Variants in MRPS6 observed in about 807,000 individuals in gnomAD.
MRPS6 encodes small ribosomal subunit protein bS6m.
MRPS6 carries 6 observed loss-of-function variants against 13.1 expected under a neutral mutation model. The ratio of observed to expected loss-of-function variants is 0.46; its 90% CI spans 0.25 to 0.91. MRPS6 has a LOEUF of 0.91. Ranked by LOEUF, MRPS6 falls within the 40% of genes least tolerant of loss-of-function variation. MRPS6 has a pLI of 0.18. For synonymous variants in MRPS6, 61 were observed against 56.5 expected (o/e 1.08, Z -0.36); for missense variants, 164 against 155.6 (o/e 1.05, Z -0.29).
chr21:34,114,363 G>A (rs1453562775), intron 1 of MRPS6, among the ~76,000 whole-genome samples: 1 of 152,282 alleles, frequency 6.6e-6, no homozygotes, highest in East Asian at 1.9e-4. Context: ...TAGTGTTGGA[G>A]AAGATCATTG....
rs140312157 is a variant in MRPS6 at position 34,126,896 on chromosome 21, C to T, written c.185+1416C>T. ...ATGCTGACGTCACTTGTCTGAGGAC[C>T]AGGCTCAAGAACTGCTGTGTTCACT... On this transcript the variant is annotated intron_variant, in intron 2 of 2. Transcript: ENST00000399312. Among the ~76,000 whole-genome samples, 26 of 152,224 alleles carry T rather than the reference C, an allele frequency of 1.7e-4. No individual in the cohort carries two copies. In the East Asian group the frequency reaches 5.0e-3, roughly 29 times the overall value.
intron 1 of MRPS6, chr21:34,097,580 TGTG>T (rs1478942811): frequency 7.7e-7 from 1 of 1,291,052 alleles, no homozygotes; most frequent in African/African-American, 1.5e-5. Context: ...ATTGTGCAAA[TGTG>T]GTTTTAAATT....
At chr21:34,110,618 A>G (rs1356080814) in intron 1 of MRPS6, among the ~76,000 whole-genome samples, 1 of 152,198 alleles carries the variant, frequency 6.6e-6, no homozygotes, top group African/African-American at 2.4e-5. Flanking sequence ...GTAAACAGTT[A>G]TTTGTGGTAG....
intron 1 of MRPS6, chr21:34,105,705 T>G (rs1979445422): frequency 1.0e-6 from 1 of 998,584 alleles, no homozygotes; most frequent in Non-Finnish European, 1.2e-6. Context: ...GTTTTTTGAA[T>G]TGTAAATGGA....
intron 1 of MRPS6, among the ~76,000 whole-genome samples, chr21:34,093,648 T>G (rs1978822167): frequency 6.6e-6 from 1 of 152,104 alleles, no homozygotes; most frequent in Non-Finnish European, 1.5e-5. Context: ...GAGAAATCAT[T>G]TAGAAGTTAA....
At chr21:34,112,896 T>G (rs6517202) in intron 1 of MRPS6, among the ~76,000 whole-genome samples, 28,878 of 151,932 alleles carry the variant, frequency 0.19, 5,379 homozygotes, top group African/African-American at 0.48. Flanking sequence ...GGTGGCTCAT[T>G]CCTATAATCC....
chr21:34,120,863 A>G (rs1444607129), intron 1 of MRPS6, among the ~76,000 whole-genome samples: 2 of 152,218 alleles, frequency 1.3e-5, no homozygotes, highest in African/African-American at 4.8e-5. Flanking sequence ...TCAGTGTTAC[A>G]GTTACCACCT....
intron 1 of MRPS6, among the ~76,000 whole-genome samples, chr21:34,091,660 A>G (rs1978700723): frequency 6.6e-6 from 1 of 152,236 alleles, no homozygotes; most frequent in South Asian, 2.1e-4. Context: ...TGCGTGGAAT[A>G]GAACCAAAAC....
intron 1 of MRPS6, chr21:34,095,211 C>G: frequency 6.2e-7 from 1 of 1,609,786 alleles, no homozygotes; most frequent in Non-Finnish European, 8.5e-7. Flanking sequence ...GAGAGCTGTA[C>G]TGGACACAGC....
intron 1 of MRPS6, among the ~76,000 whole-genome samples, chr21:34,119,499 G>C (rs909493758): frequency 6.6e-6 from 1 of 152,200 alleles, no homozygotes; most frequent in Non-Finnish European, 1.5e-5. Context: ...CATTTTCACA[G>C]GTTTTGACAG....
At chr21:34,116,729 C>T (rs1220795696) in intron 1 of MRPS6, among the ~76,000 whole-genome samples, 1 of 152,122 alleles carries the variant, frequency 6.6e-6, no homozygotes, top group Non-Finnish European at 1.5e-5. Context: ...TGGTTTTATT[C>T]AGTGCCGGCA....
chr21:34,128,388 A>G (rs1167157450), intron 2 of MRPS6, among the ~76,000 whole-genome samples: 3 of 152,086 alleles, frequency 2.0e-5, no homozygotes, highest in Non-Finnish European at 2.9e-5. Flanking sequence ...CAACCGCCTT[A>G]TCACGTACAT....
intron 2 of MRPS6, among the ~76,000 whole-genome samples, chr21:34,141,059 GTTCC>G (rs1980891288): frequency 6.6e-6 from 1 of 152,132 alleles, no homozygotes; most frequent in African/African-American, 2.4e-5. Context: ...TTTCTCATAA[GTTCC>G]TTCCTTGCTG....
At chr21:34,101,541 A>G (rs1979237771) in intron 1 of MRPS6, 12 of 1,000,208 alleles carry the variant, frequency 1.2e-5, no homozygotes, top group Non-Finnish European at 1.4e-5. Context: ...CCCACTTACC[A>G]TTCAGAGAGA....
intron 1 of MRPS6, chr21:34,122,176 A>T (rs1197205053): frequency 1.3e-5 from 2 of 152,212 alleles, no homozygotes; most frequent in African/African-American, 2.4e-5. Flanking sequence ...GTCTCTTGTA[A>T]TTACAGATCT....
intron 1 of MRPS6, among the ~76,000 whole-genome samples, chr21:34,093,398 G>GT (rs758322723): frequency 6.6e-6 from 1 of 152,146 alleles, no homozygotes; most frequent in East Asian, 1.9e-4. Context: ...TATCCAGGCA[G>GT]TTTTTTCTGC....
chr21:34,077,060 C>T (rs1024531982), intron 1 of MRPS6, among the ~76,000 whole-genome samples: 4 of 152,166 alleles, frequency 2.6e-5, no homozygotes, highest in African/African-American at 9.7e-5. Context: ...CCACCCTGCC[C>T]CCCCTGCAAT....
At chr21:34,107,469 T>C (rs1230548870) in intron 1 of MRPS6, among the ~76,000 whole-genome samples, 4 of 152,228 alleles carry the variant, frequency 2.6e-5, no homozygotes, top group Non-Finnish European at 5.9e-5. Flanking sequence ...CCAGTGTTAG[T>C]TACTATTTTT....
chr21:34,084,120 A>T (rs1448988963), intron 1 of MRPS6, among the ~76,000 whole-genome samples: 4 of 148,380 alleles, frequency 2.7e-5, no homozygotes, highest in East Asian at 3.9e-4. Flanking sequence ...TTGTGGTCTT[A>T]CTTCTTACTT....
Sources: gnomAD v4.1 joint callset for allele counts (sites outside exome capture counted in the v4.1 genomes callset) on GRCh38, gnomAD v4.1.1 for gene constraint, MANE v1.5 for transcripts, NCBI Gene and HGNC (gene_info 2026-07-23, HGNC 2026-07-21) for gene names.